The following PREX2 variants were observed in gnomAD, a reference collection of about 807,000 sequenced individuals.
PREX2 encodes phosphatidylinositol 3,4,5-trisphosphate-dependent Rac exchanger 2 protein.
PREX2 carries 107 observed loss-of-function variants against 203.2 expected under a neutral mutation model. The ratio of observed to expected loss-of-function variants is 0.53; its 90% CI spans 0.45 to 0.62. The LOEUF (loss-of-function observed/expected upper bound fraction) is 0.62. PREX2 is among the 20% of genes least tolerant of loss of function. PREX2 has a pLI of 0.00. For missense variants in PREX2, 1,777 were observed against 1,955.9 expected (o/e 0.91, Z 1.72); for synonymous variants, 672 against 663.6 (o/e 1.01, Z -0.19).
In PREX2 at chr8:68,104,265, C is replaced by T. The variant is rs188232920; in HGVS notation, c.2716-3844C>T. 7.9e-5 allele frequency among the ~76,000 whole-genome samples: 12 copies of T among 152,328 alleles called. No homozygotes were observed. In the East Asian group the frequency reaches 9.7e-4, roughly 12 times the overall value. ...CTGCTACCGACCAACCCACAGTTGT[C>T]CTGAGTGGCTGTACACTTCACTCAT... On this transcript the variant is annotated intron_variant, in intron 23 of 39. Transcript: ENST00000288368.
At position 67,976,525 on chromosome 8, in the gene PREX2, CAGAG is replaced by C. The variant is rs1330564484; in HGVS notation, c.141+24000_141+24003del. On this transcript the variant is annotated intron_variant, in intron 1 of 39. Transcript: ENST00000288368. ...AGAGAGGGACAGACAGAGACAGAGA[CAGAG>C]AGAGAGAGACGGGAGAGAGACAGAG... Among the ~76,000 whole-genome samples, 12 of 41,668 alleles carry C rather than the reference CAGAG, an allele frequency of 2.9e-4. 1 individual carries two copies. The highest frequency in any genetic ancestry group is 3.8e-4 in the Non-Finnish European group (8 of 21,326). The allele number at this position is 41,668 out of a possible 152,430, so 27.3% of individuals were successfully genotyped here. A position where few individuals can be genotyped will look rare whatever the true frequency, so the allele number is the denominator to read the frequency against.
chr8:68,056,021 G>T, intron 10 of PREX2, 47 bp downstream of exon 10: 1 of 1,538,314 alleles, frequency 6.5e-7, no homozygotes, highest in Non-Finnish European at 8.8e-7. Flanking sequence ...CATTCTCATT[G>T]TCTCACCTGT....
intron 37 of PREX2, among the ~76,000 whole-genome samples, chr8:68,209,809 G>A (rs1180024159): frequency 6.6e-5 from 10 of 152,218 alleles, no homozygotes; most frequent in Admixed American, 3.9e-4. Context: ...TCAAGGGGTT[G>A]TGGCTAGTAC....
At chr8:68,045,435 T>C (rs1400149227) in intron 8 of PREX2, among the ~76,000 whole-genome samples, 1 of 152,072 alleles carries the variant, frequency 6.6e-6, no homozygotes, top group Admixed American at 6.6e-5. Flanking sequence ...CATACCTTCA[T>C]TGTCACTCTG....
chr8:68,123,018 G>A (rs1443211740), intron 30 of PREX2, among the ~76,000 whole-genome samples: 1 of 152,004 alleles, frequency 6.6e-6, no homozygotes, highest in Non-Finnish European at 1.5e-5. Context: ...TGTCTATCAG[G>A]ACCATTTGAT....
intron 33 of PREX2, among the ~76,000 whole-genome samples, chr8:68,138,851 G>GT (rs1434759054): frequency 6.6e-6 from 1 of 151,980 alleles, no homozygotes; most frequent in Admixed American, 6.6e-5. Flanking sequence ...TATGTCTCTT[G>GT]TTTTTTCAAA....
intron 1 of PREX2, among the ~76,000 whole-genome samples, chr8:67,989,301 T>C (rs2129609428): frequency 6.6e-6 from 1 of 152,322 alleles, no homozygotes; most frequent in African/African-American, 2.4e-5. Context: ...AATTAAATAG[T>C]TCTTTTTTTC....
chr8:68,091,096 C>T lies in PREX2; in HGVS notation c.2250+381C>T, dbSNP rs190067807. Among the ~76,000 whole-genome samples the T allele has an allele frequency of 3.3e-4, 50 of 152,102 alleles. 1 individual carries two copies. The highest frequency in any genetic ancestry group is 3.2e-3 in the Admixed American group (49 of 15,276). ...TGTATGAACTATAAATACCTATATTCTTTATTAGAAAACTTCTGTGAAAAA... is the reference window on the plus strand; with the variant it reads ...TGTATGAACTATAAATACCTATATTTTTTATTAGAAAACTTCTGTGAAAAA... On this transcript the variant is annotated intron_variant, in intron 20 of 39. Transcript: ENST00000288368.
intron 11 of PREX2, among the ~76,000 whole-genome samples, chr8:68,064,237 A>G (rs1808949821): frequency 6.6e-6 from 1 of 152,254 alleles, no homozygotes; most frequent in Non-Finnish European, 1.5e-5. Context: ...AAGTTGGCTC[A>G]TACAAGCTCC....
At chr8:68,102,117 C>T (rs1222676112) in intron 23 of PREX2, among the ~76,000 whole-genome samples, 8 of 152,050 alleles carry the variant, frequency 5.3e-5, no homozygotes, top group Non-Finnish European at 1.2e-4. Flanking sequence ...ATAATGTCAC[C>T]CAATTATGGA....
intron 21 of PREX2, among the ~76,000 whole-genome samples, chr8:68,094,621 T>G (rs1301127093): frequency 6.6e-6 from 1 of 152,264 alleles, no homozygotes; most frequent in Non-Finnish European, 1.5e-5. Flanking sequence ...TGGATATCTT[T>G]GTTACACTAT....
At chr8:68,212,336 T>A (rs1426232965) in intron 37 of PREX2, among the ~76,000 whole-genome samples, 1 of 152,220 alleles carries the variant, frequency 6.6e-6, no homozygotes, top group African/African-American at 2.4e-5. Context: ...ATATTATTCA[T>A]CTGCTTCTTT....
chr8:68,012,472 A>G (rs1191648869), intron 1 of PREX2, among the ~76,000 whole-genome samples: 1 of 152,212 alleles, frequency 6.6e-6, no homozygotes, highest in Non-Finnish European at 1.5e-5. Flanking sequence ...AATCACAAGG[A>G]AACAGCAACA....
intron 35 of PREX2, among the ~76,000 whole-genome samples, chr8:68,171,062 CA>C (rs1350592863): frequency 6.6e-6 from 1 of 151,820 alleles, no homozygotes; most frequent in East Asian, 1.9e-4. Context: ...AGATAAAAAT[CA>C]AAAAGAGAAA....
At chr8:68,208,528 G>A (rs1165798975) in intron 37 of PREX2, among the ~76,000 whole-genome samples, 1 of 152,018 alleles carries the variant, frequency 6.6e-6, no homozygotes, top group Non-Finnish European at 1.5e-5. Context: ...TCTCTTATCA[G>A]GTTCAGTGAA....
chr8:68,096,187 G>A (rs529131188), intron 21 of PREX2, among the ~76,000 whole-genome samples: 14 of 152,218 alleles, frequency 9.2e-5, no homozygotes, highest in Admixed American at 2.6e-4. Flanking sequence ...ATAAATCAAC[G>A]TTGGTGCCAC....
chr8:68,027,243 C>T lies in PREX2; in HGVS notation c.463C>T (p.Arg155Trp), dbSNP rs139157434. Reference protein sequence around the residue: ...FLLNCMLLGGRKNTDVPLEGY... With the variant: ...FLLNCMLLGGWKNTDVPLEGY... The stretch of plus-strand genomic sequence containing the variant: ...CCAGAACTGCATGCTGCTTGGAGGA[C>T]GGAAGAACACAGATGTTCCCTTGGA... The change falls in exon 5 of 40, where the codon CGG becomes TGG. Residue 155 changes from arginine to tryptophan, a missense_variant. Physicochemically the swap from Arg to Trp is moderately radical, Grantham distance 101 (BLOSUM62 -3). Coordinates refer to ENST00000288368, the MANE Select transcript of PREX2 (RefSeq NM_024870.4). 2.3e-5 allele frequency: 37 copies of T among 1,611,312 alleles called. 1 individual carries two copies. Among genetic ancestry groups the T allele is most frequent in the South Asian group, 1.2e-4 (11 of 90,992 alleles).
At chr8:68,193,179 A>G (rs1438614333) in intron 37 of PREX2, among the ~76,000 whole-genome samples, 1 of 152,228 alleles carries the variant, frequency 6.6e-6, no homozygotes, top group Non-Finnish European at 1.5e-5. Context: ...GTCCCTCTTC[A>G]TAATCATATG....
At chr8:68,178,697 A>C (rs1812029308) in intron 35 of PREX2, among the ~76,000 whole-genome samples, 1 of 152,152 alleles carries the variant, frequency 6.6e-6, no homozygotes, top group Non-Finnish European at 1.5e-5. Context: ...TAATATATCT[A>C]ATCCAGGTTG....
Sources: gnomAD v4.1 joint callset for allele counts (sites outside exome capture counted in the v4.1 genomes callset) on GRCh38, gnomAD v4.1.1 for gene constraint, MANE v1.5 for transcripts, NCBI Gene and HGNC (gene_info 2026-07-23, HGNC 2026-07-21) for gene names.